The following LCA5 variants were observed in gnomAD, a reference collection of about 807,000 sequenced individuals.
LCA5 encodes the protein lebercilin.
A neutral mutation model predicts 53.0 loss-of-function variants in LCA5; 37 were observed. The ratio of observed to expected loss-of-function variants is 0.70; its 90% CI spans 0.54 to 0.92. The LOEUF (loss-of-function observed/expected upper bound fraction) is 0.92, where lower values mean the gene tolerates loss of function less well. Ranked by LOEUF, LCA5 falls within the 40% of genes least tolerant of loss-of-function variation. The pLI, the probability that LCA5 is intolerant of heterozygous loss-of-function variation, is 0.00. For missense variants in LCA5, 806 were observed against 790.5 expected (o/e 1.02, Z -0.23); for synonymous variants, 303 against 282.9 (o/e 1.07, Z -0.71).
intron 2 of LCA5, among the ~76,000 whole-genome samples, chr6:79,517,526 T>C (rs1766474483): frequency 6.6e-6 from 1 of 151,898 alleles, no homozygotes; most frequent in Non-Finnish European, 1.5e-5. Context: ...AACTACAAAA[T>C]TATAACAAGC....
intron 3 of LCA5, among the ~76,000 whole-genome samples, chr6:79,509,449 GTC>G (rs1562104177): frequency 8.3e-6 from 1 of 120,182 alleles, no homozygotes. Context: ...GTGAGACTCC[GTC>G]TCAAAAAAAA....
chr6:79,516,949 T>C (rs892749680), intron 2 of LCA5, among the ~76,000 whole-genome samples: 11 of 151,904 alleles, frequency 7.2e-5, no homozygotes, highest in African/African-American at 2.7e-4. Context: ...AATTTTACCA[T>C]GAAAAATTTT....
Position 79,493,630 on chromosome 6 carries a change from G to C in LCA5, c.841C>G (p.Leu281Val). ...ATACTTACCTTTAATTTGTGATATAGTCGCTGTACCTCCTTTTGAAGAACT... is the reference window on the plus strand; with the variant it reads ...ATACTTACCTTTAATTTGTGATATACTCGCTGTACCTCCTTTTGAAGAACT... ...NKVLQKEVQR[L>V]YHKLKEKERE... The change falls in exon 4 of 8, where the codon CTA (leucine) becomes GTA (valine). Residue 281 changes from leucine (L) to valine (V), a missense_variant. Leu to Val is a conservative substitution (Grantham distance 32, BLOSUM62 1). Coordinates refer to ENST00000369846, the MANE Select transcript of LCA5 (RefSeq NM_001122769.3). The C allele has an allele frequency of 6.2e-7, 1 of 1,613,266 alleles. No homozygotes were observed. Among genetic ancestry groups the C allele is most frequent in the Non-Finnish European group, 8.5e-7 (1 of 1,179,382 alleles).
intron 1 of LCA5, among the ~76,000 whole-genome samples, chr6:79,528,608 G>A (rs970235522): frequency 6.6e-6 from 1 of 152,128 alleles, no homozygotes; most frequent in East Asian, 1.9e-4. Flanking sequence ...GGAGTCCCTA[G>A]GGAGATGCCT....
chr6:79,517,225 A>G (rs1766465007), intron 2 of LCA5, among the ~76,000 whole-genome samples: 1 of 152,052 alleles, frequency 6.6e-6, no homozygotes, highest in Non-Finnish European at 1.5e-5. Flanking sequence ...AAAACGGTAC[A>G]AGTCAAATTG....
intron 7 of LCA5, 25 bp from the exon 8 acceptor site, chr6:79,487,891 T>C (rs751252731): frequency 6.4e-7 from 1 of 1,559,334 alleles, no homozygotes; most frequent in South Asian, 1.2e-5. Context: ...ATTTTTTAAA[T>C]GGGATTTTGT....
intron 4 of LCA5, 104 bp downstream of exon 4, chr6:79,493,509 T>C: frequency 1.0e-5 from 11 of 1,086,432 alleles, no homozygotes; most frequent in Non-Finnish European, 1.4e-5. Flanking sequence ...TTGTAAATTA[T>C]ATTGTACCAA....
chr6:79,519,844 A>G (rs1462392942), intron 1 of LCA5, among the ~76,000 whole-genome samples: 1 of 152,166 alleles, frequency 6.6e-6, no homozygotes, highest in Non-Finnish European at 1.5e-5. Context: ...TGCAAACATG[A>G]CAAAAAATTG....
chr6:79,496,345 C>G (rs1403017518), intron 3 of LCA5, among the ~76,000 whole-genome samples: 1 of 152,134 alleles, frequency 6.6e-6, no homozygotes, highest in Non-Finnish European at 1.5e-5. Context: ...AAAGAAAAGC[C>G]AGTGTCTATA....
intron 6 of LCA5, among the ~76,000 whole-genome samples, chr6:79,490,829 C>T (rs1225750583): frequency 7.9e-5 from 12 of 151,980 alleles, no homozygotes; most frequent in South Asian, 2.1e-4. Context: ...GTTGCCGATA[C>T]GTTGTTTTCT....
At chr6:79,501,145 A>G (rs937448358) in intron 3 of LCA5, among the ~76,000 whole-genome samples, 3 of 152,142 alleles carry the variant, frequency 2.0e-5, no homozygotes, top group Non-Finnish European at 2.9e-5. Flanking sequence ...CGCATAAAAT[A>G]GATGGAAAAA....
intron 3 of LCA5, among the ~76,000 whole-genome samples, chr6:79,498,913 T>C (rs1214796812): frequency 6.6e-6 from 1 of 152,082 alleles, no homozygotes; most frequent in Non-Finnish European, 1.5e-5. Context: ...TTTTTTATAA[T>C]CTTGATGTCA....
At chr6:79,514,494 A>C (rs927265177) in intron 2 of LCA5, among the ~76,000 whole-genome samples, 1 of 152,198 alleles carries the variant, frequency 6.6e-6, no homozygotes, top group African/African-American at 2.4e-5. Context: ...CATTTGACCC[A>C]GCAATTCCAT....
intron 3 of LCA5, among the ~76,000 whole-genome samples, chr6:79,511,356 C>A (rs1005410026): frequency 1.3e-5 from 2 of 152,116 alleles, no homozygotes; most frequent in African/African-American, 4.8e-5. Context: ...TAAGCAAAAT[C>A]TGCTAATGTC....
chr6:79,502,622 A>G (rs1469813159), intron 3 of LCA5, among the ~76,000 whole-genome samples: 3 of 152,202 alleles, frequency 2.0e-5, no homozygotes, highest in African/African-American at 4.8e-5. Context: ...TATCTTTTAC[A>G]GTTTTTAGAT....
In LCA5 at chr6:79,513,190, T is replaced by C. The variant is rs1322573500; in HGVS notation, c.720+22A>G. 5 of 1,604,668 alleles carry C rather than the reference T, an allele frequency of 3.1e-6. No homozygotes were observed. The Admixed American group carries it at 5.0e-5, about 16-fold the overall frequency. ...TGAGAAACATCCCAAGAAAGTACAATTAGAAGCTGTAGAAATTGTACCTTA... is the reference window on the plus strand; with the variant it reads ...TGAGAAACATCCCAAGAAAGTACAACTAGAAGCTGTAGAAATTGTACCTTA... On this transcript the variant is annotated intron_variant, in intron 3 of 7. Transcript: ENST00000369846.
intron 1 of LCA5, among the ~76,000 whole-genome samples, chr6:79,529,800 T>C (rs948484635): frequency 1.3e-5 from 2 of 151,994 alleles, no homozygotes; most frequent in African/African-American, 4.8e-5. Context: ...TCATGTCCTT[T>C]ATGGGGACAT....
intron 1 of LCA5, among the ~76,000 whole-genome samples, chr6:79,526,906 T>C (rs1042641660): frequency 6.6e-6 from 1 of 152,124 alleles, no homozygotes; most frequent in Non-Finnish European, 1.5e-5. Flanking sequence ...ATCTCCCTAC[T>C]ATGGAAACCA....
rs114240584 is a variant in LCA5, at chr6:79,519,505, G to A, written c.-191-420C>T. ...TAAATACACTTTGGGAGGCCGAGGC[G>A]GGCAGATCATGAGGTCAAGAAACCA... On this transcript the variant is annotated intron_variant, in intron 1 of 7. Transcript: ENST00000369846. 2.4e-4 allele frequency among the ~76,000 whole-genome samples: 37 copies of A among 151,784 alleles called. 1 individual carries two copies. The highest frequency in any genetic ancestry group is 8.7e-4 in the African/African-American group (36 of 41,418).
Sources: gnomAD v4.1 joint callset for allele counts (sites outside exome capture counted in the v4.1 genomes callset) on GRCh38, gnomAD v4.1.1 for gene constraint, MANE v1.5 for transcripts, NCBI Gene and HGNC (gene_info 2026-07-23, HGNC 2026-07-21) for gene names.